Variants in ADK observed in about 807,000 individuals in gnomAD.
ADK encodes the protein N6,N6-dimethyladenosine kinase.
A neutral mutation model predicts 44.7 loss-of-function variants in ADK; 24 were observed. The ratio of observed to expected loss-of-function variants is 0.54; its 90% confidence interval spans 0.39 to 0.76. The LOEUF is 0.76. Ranked by LOEUF, ADK falls within the 30% of genes least tolerant of loss-of-function variation. The pLI is 0.00. For missense variants in ADK, 321 were observed against 425.1 expected (o/e 0.76, Z 2.15); for synonymous variants, 128 against 142.6 (o/e 0.90, Z 0.73).
intron 6 of ADK, among the ~76,000 whole-genome samples, chr10:74,466,398 T>A (rs749562409): frequency 6.6e-6 from 1 of 152,204 alleles, no homozygotes; most frequent in Non-Finnish European, 1.5e-5. Context: ...TCTCTTTCCC[T>A]CTGCCTTCAG....
rs1439609029 is a variant in ADK at position 74,708,583 on chromosome 10, CA to C, written c.*140del. ...ATGCTGAATCTTAATTTAGAGGGTA[CA>C]AGGGTATGGTAATGCTTGTAGAATC... On this transcript the variant is annotated 3_prime_UTR_variant, in exon 11 of 11. Transcript: ENST00000539909. 3 of 952,684 alleles carry C rather than the reference CA, an allele frequency of 3.1e-6. No homozygotes were observed. Among genetic ancestry groups the C allele is most frequent in the Non-Finnish European group, 4.7e-6 (3 of 639,484 alleles). The allele number at this position is 952,684 out of a possible 1,614,324, so 59.0% of individuals were successfully genotyped here.
chr10:74,462,403 A>C (rs1444008284), intron 6 of ADK, among the ~76,000 whole-genome samples: 3 of 152,122 alleles, frequency 2.0e-5, no homozygotes, highest in Admixed American at 2.0e-4. Flanking sequence ...AAATCAACCT[A>C]CAGAGAAAAA....
At chr10:74,287,653 G>A (rs933925109) in intron 3 of ADK, among the ~76,000 whole-genome samples, 1 of 151,958 alleles carries the variant, frequency 6.6e-6, no homozygotes, top group Non-Finnish European at 1.5e-5. Context: ...TTAACTGAAG[G>A]GAAAAGAAAA....
intron 2 of ADK, among the ~76,000 whole-genome samples, chr10:74,222,099 T>C (rs552418741): frequency 0.031 from 4,700 of 151,844 alleles, 241 homozygotes; most frequent in African/African-American, 0.11. Flanking sequence ...AGAAAATTTT[T>C]GCAACCTACT....
intron 1 of ADK, among the ~76,000 whole-genome samples, chr10:74,154,619 T>C (rs1841700176): frequency 6.6e-6 from 1 of 152,148 alleles, no homozygotes; most frequent in Admixed American, 6.5e-5. Flanking sequence ...TCTGAGTGAC[T>C]TTCTGACATT....
chr10:74,353,030 G>A (rs955914285), intron 4 of ADK, among the ~76,000 whole-genome samples: 6 of 152,204 alleles, frequency 3.9e-5, no homozygotes, highest in African/African-American at 1.4e-4. Flanking sequence ...TCTAGAACCA[G>A]ACATACCATT....
chr10:74,151,448 G>A (rs2132017808), intron 1 of ADK, 105 bp downstream of exon 1: 3 of 1,271,318 alleles, frequency 2.4e-6, no homozygotes, highest in East Asian at 2.5e-5. Context: ...CTCACTGCCA[G>A]CTTGGGGCCA....
chr10:74,536,905 G>A (rs1849468501), intron 7 of ADK, among the ~76,000 whole-genome samples: 1 of 152,064 alleles, frequency 6.6e-6, no homozygotes, highest in African/African-American at 2.4e-5. Flanking sequence ...TTTGTTGATA[G>A]ACATTTAATT....
In ADK at chr10:74,394,238, A is replaced by G; in HGVS notation, c.371A>G (p.His124Arg). The change falls in exon 5 of 11, where the codon CAT becomes CGT. Residue 124 changes from histidine to arginine, a missense_variant. Physicochemically the swap from His to Arg is conservative, Grantham distance 29. Transcript: ENST00000539909. ...CTGAAGAGAAAAGCTGCTGAAGCCCATGTGGATGCTCATTACTACGAGCAG... is the reference window on the plus strand; with the variant it reads ...CTGAAGAGAAAAGCTGCTGAAGCCCGTGTGGATGCTCATTACTACGAGCAG... ...EILKRKAAEA[H>R]VDAHYYEQNE... 1 of 1,614,114 alleles carries G rather than the reference A, an allele frequency of 6.2e-7. No individual in the cohort carries two copies. Among genetic ancestry groups the G allele is most frequent in the Non-Finnish European group, 8.5e-7 (1 of 1,179,974 alleles).
At chr10:74,695,604 CCTGTGTATGTGTGGGGTGT>C (rs999736372) in intron 10 of ADK, among the ~76,000 whole-genome samples, 20 of 59,612 alleles carry the variant, frequency 3.4e-4, no homozygotes, top group African/African-American at 1.1e-3. Context: ...TTTTACAATT[CCTGTGTATGTGTGGGGTGT>C]GTGTGTGTGT....
chr10:74,690,794 A>T (rs1043249395), intron 10 of ADK, among the ~76,000 whole-genome samples: 5 of 152,230 alleles, frequency 3.3e-5, no homozygotes, highest in African/African-American at 1.2e-4. Context: ...ACCCTCAAGG[A>T]CAAACACTGT....
chr10:74,510,073 G>T (rs899828824), intron 6 of ADK, among the ~76,000 whole-genome samples: 3 of 152,148 alleles, frequency 2.0e-5, no homozygotes, highest in Non-Finnish European at 2.9e-5. Flanking sequence ...TAAATATAAT[G>T]ATTTCCATTC....
At chr10:74,227,543 C>G (rs967733679) in intron 3 of ADK, among the ~76,000 whole-genome samples, 1 of 151,920 alleles carries the variant, frequency 6.6e-6, no homozygotes, top group Non-Finnish European at 1.5e-5. Flanking sequence ...GACCCCATCT[C>G]TACGAAAAAC....
chr10:74,569,473 C>A (rs1022242417), intron 7 of ADK, among the ~76,000 whole-genome samples: 6 of 152,234 alleles, frequency 3.9e-5, no homozygotes. Context: ...GCCATTCTAA[C>A]TGGTGTGAGA....
At chr10:74,210,783 A>G (rs1843784034) in intron 2 of ADK, among the ~76,000 whole-genome samples, 2 of 142,902 alleles carry the variant, frequency 1.4e-5, no homozygotes, top group African/African-American at 5.8e-5. Flanking sequence ...TGAAAGTGAA[A>G]AAAATATTTA....
In ADK at chr10:74,266,417, C is replaced by T. The variant is rs572854201; in HGVS notation, c.194+41826C>T. ...ACTAAAAATACAAAAATTAGCCTGG[C>T]GTGGTGGCGGGCACCTGTAATCCCA... On this transcript the variant is annotated intron_variant, in intron 3 of 10. Transcript: ENST00000539909. 9.2e-5 allele frequency among the ~76,000 whole-genome samples: 14 copies of T among 152,108 alleles called. No individual in the cohort carries two copies. In the South Asian group the frequency reaches 2.7e-3, roughly 29 times the overall value.
intron 6 of ADK, among the ~76,000 whole-genome samples, chr10:74,419,681 A>G (rs990952779): frequency 1.3e-5 from 2 of 152,140 alleles, no homozygotes; most frequent in Non-Finnish European, 2.9e-5. Context: ...CTACCAAGAT[A>G]CTGTTAATTT....
intron 5 of ADK, among the ~76,000 whole-genome samples, chr10:74,397,331 ATAT>A (rs1195208115): frequency 1.3e-5 from 2 of 151,852 alleles, no homozygotes; most frequent in African/African-American, 4.8e-5. Context: ...GTAATCGAAC[ATAT>A]TACCAAAGTC....
intron 6 of ADK, among the ~76,000 whole-genome samples, chr10:74,443,124 T>G (rs941436761): frequency 4.6e-5 from 7 of 152,152 alleles, no homozygotes; most frequent in Non-Finnish European, 1.0e-4. Flanking sequence ...TAATTATGTA[T>G]TGTATACTTG....
Sources: gnomAD v4.1 joint callset for allele counts (sites outside exome capture counted in the v4.1 genomes callset) on GRCh38, gnomAD v4.1.1 for gene constraint, MANE v1.5 for transcripts, NCBI Gene and HGNC (gene_info 2026-07-23, HGNC 2026-07-21) for gene names.